The following NAALADL2 variants were observed in gnomAD, a reference collection of about 807,000 sequenced individuals.
NAALADL2 encodes inactive N-acetylated-alpha-linked acidic dipeptidase-like protein 2.
In NAALADL2, 76 loss-of-function variants were observed where a neutral mutation model predicts 87.2. The observed-to-expected ratio is 0.87, with a 90% CI of 0.72 to 1.05. NAALADL2 has a LOEUF of 1.05. Ranked by LOEUF, NAALADL2 falls within the 50% of genes least tolerant of loss-of-function variation. NAALADL2 has a pLI of 0.00. For synonymous variants in NAALADL2, 354 were observed against 331.0 expected, an observed-to-expected ratio of 1.07 and a Z score of -0.75; for missense variants, 1,089 against 945.8, an observed-to-expected ratio of 1.15 and a Z score of -1.99.
intron 1 of NAALADL2, among the ~76,000 whole-genome samples, chr3:174,498,644 T>C (rs148555432): frequency 6.6e-6 from 1 of 150,740 alleles, no homozygotes; most frequent in Admixed American, 6.6e-5. Context: ...ATAATATATA[T>C]GTTTATCTTT....
At chr3:175,378,250 A>G (rs1300580516) in intron 5 of NAALADL2, among the ~76,000 whole-genome samples, 1 of 152,102 alleles carries the variant, frequency 6.6e-6, no homozygotes, top group Admixed American at 6.5e-5. Context: ...CAAGGGGTGG[A>G]GCAAAGCAGG....
At chr3:175,763,322 T>A (rs1439474697) in intron 13 of NAALADL2, among the ~76,000 whole-genome samples, 2 of 152,116 alleles carry the variant, frequency 1.3e-5, no homozygotes, top group Non-Finnish European at 2.9e-5. Context: ...GCATCAACCA[T>A]TTTGTGGTTG....
chr3:175,200,809 AC>A (rs1739908428), intron 2 of NAALADL2, among the ~76,000 whole-genome samples: 1 of 152,144 alleles, frequency 6.6e-6, no homozygotes, highest in African/African-American at 2.4e-5. Context: ...AAAACACAAA[AC>A]AGGTCATGAC....
At chr3:174,726,535 C>T (rs150025719) in intron 2 of NAALADL2, among the ~76,000 whole-genome samples, 139 of 151,878 alleles carry the variant, frequency 9.2e-4, no homozygotes, top group Non-Finnish European at 1.7e-3. Flanking sequence ...AATTTTTTTG[C>T]CCAAGGTGAA....
At chr3:174,501,966 C>T (rs1718927080) in intron 1 of NAALADL2, among the ~76,000 whole-genome samples, 2 of 151,648 alleles carry the variant, frequency 1.3e-5, no homozygotes, top group South Asian at 2.1e-4. Flanking sequence ...TCTTTTTTAA[C>T]AGTAGTTTAT....
At chr3:175,274,277 A>G (rs1448380113) in intron 4 of NAALADL2, among the ~76,000 whole-genome samples, 1 of 152,106 alleles carries the variant, frequency 6.6e-6, no homozygotes, top group East Asian at 1.9e-4. Flanking sequence ...GCATGGGAAA[A>G]TCCCACGTCC....
intron 2 of NAALADL2, among the ~76,000 whole-genome samples, chr3:175,223,065 T>C (rs1560187044): frequency 6.7e-6 from 1 of 149,490 alleles, no homozygotes; most frequent in Non-Finnish European, 1.5e-5. Context: ...TCAAATTAAT[T>C]AACACATTCA....
intron 5 of NAALADL2, among the ~76,000 whole-genome samples, chr3:175,367,312 C>T (rs1765759520): frequency 6.6e-6 from 1 of 151,350 alleles, no homozygotes; most frequent in Non-Finnish European, 1.5e-5. Context: ...CAGCTTTGTT[C>T]TTTTGGCTTA....
At chr3:174,892,921 C>CAAAAA (rs35081771) in intron 1 of NAALADL2, among the ~76,000 whole-genome samples, 14 of 108,514 alleles carry the variant, frequency 1.3e-4, no homozygotes, top group African/African-American at 4.4e-4. Flanking sequence ...GACTCCAACT[C>CAAAAA]AAAAAAAAAA....
chr3:175,323,673 GC>G (rs1438035116), intron 4 of NAALADL2, among the ~76,000 whole-genome samples: 2 of 151,060 alleles, frequency 1.3e-5, no homozygotes, highest in African/African-American at 4.9e-5. Context: ...AAAAAAAAAG[GC>G]CAGTAGAAAA....
chr3:175,243,531 CTTTTTTTTT>C (rs3066298), intron 3 of NAALADL2, among the ~76,000 whole-genome samples: 6 of 85,598 alleles, frequency 7.0e-5, no homozygotes, highest in South Asian at 1.0e-3. Context: ...CACATCAGGA[CTTTTTTTTT>C]TTTTTTTTTT....
At chr3:174,768,367 G>T (rs1337149501) in intron 3 of NAALADL2, among the ~76,000 whole-genome samples, 1 of 152,006 alleles carries the variant, frequency 6.6e-6, no homozygotes. Flanking sequence ...GATAGAGCTG[G>T]GTTTGTGCTT....
chr3:175,203,309 G>C (rs900385990), intron 2 of NAALADL2, among the ~76,000 whole-genome samples: 6 of 152,074 alleles, frequency 3.9e-5, no homozygotes, highest in Non-Finnish European at 8.8e-5. Flanking sequence ...GAGCTCCCAG[G>C]GTCCTTCTGC....
rs184143666 is a variant in NAALADL2 at position 174,564,397 on chromosome 3, G to A, written c.-115+13760G>A. On this transcript the variant is annotated intron_variant, in intron 2 of 3. Coordinates refer to the NAALADL2 transcript ENST00000434257. ...AGGAGGATGTCAGTGAGGGTAACAA[G>A]GTAGGGATGGAGACCTGGAGGACCT... Among the ~76,000 whole-genome samples, 5 of 152,222 alleles carry A rather than the reference G, an allele frequency of 3.3e-5. No homozygotes were observed. In the East Asian group the frequency reaches 9.7e-4, roughly 29 times the overall value.
chr3:175,227,951 T>A (rs1744397793), intron 2 of NAALADL2, among the ~76,000 whole-genome samples: 2 of 151,976 alleles, frequency 1.3e-5, no homozygotes, highest in African/African-American at 4.8e-5. Context: ...AGACTACAAT[T>A]TAAGAGTTAT....
intron 1 of NAALADL2, among the ~76,000 whole-genome samples, chr3:174,966,233 C>A (rs188102686): frequency 1.1e-3 from 165 of 152,250 alleles, no homozygotes; most frequent in Non-Finnish European, 1.8e-3. Context: ...TCTCCTTGAT[C>A]TTGAAGGCCA....
intron 13 of NAALADL2, among the ~76,000 whole-genome samples, chr3:175,789,499 ACTTGAGGT>A (rs1001290540): frequency 1.1e-4 from 16 of 152,244 alleles, no homozygotes; most frequent in African/African-American, 3.9e-4. Flanking sequence ...ATATTCTACT[ACTTGAGGT>A]CTTGGCTTTT....
At chr3:174,973,468 T>A (rs1437674203) in intron 1 of NAALADL2, among the ~76,000 whole-genome samples, 2 of 152,190 alleles carry the variant, frequency 1.3e-5, no homozygotes, top group Non-Finnish European at 2.9e-5. Context: ...TTATATAAGA[T>A]AATATTATAG....
At chr3:174,554,046 T>G (rs1370368266) in intron 2 of NAALADL2, among the ~76,000 whole-genome samples, 1 of 152,120 alleles carries the variant, frequency 6.6e-6, no homozygotes, top group Non-Finnish European at 1.5e-5. Context: ...CTGACATTGT[T>G]GATGAAATTA....
Sources: gnomAD v4.1 joint callset for allele counts (sites outside exome capture counted in the v4.1 genomes callset) on GRCh38, gnomAD v4.1.1 for gene constraint, MANE v1.5 for transcripts, NCBI Gene and HGNC (gene_info 2026-07-23, HGNC 2026-07-21) for gene names.